Variants in MAPKBP1 observed in about 807,000 individuals in gnomAD.
MAPKBP1 encodes the protein mitogen-activated protein kinase binding protein 1.
MAPKBP1 carries 71 observed loss-of-function variants against 170.5 expected under a neutral mutation model. The observed-to-expected ratio is 0.42, with a 90% CI of 0.34 to 0.51. The LOEUF (loss-of-function observed/expected upper bound fraction) is 0.51. MAPKBP1 is among the 20% of genes least tolerant of loss of function. MAPKBP1 has a pLI of 0.06. For missense variants in MAPKBP1, 1,598 were observed against 1,933.0 expected, an observed-to-expected ratio of 0.83 and a Z score of 3.25; for synonymous variants, 719 against 757.9, an observed-to-expected ratio of 0.95 and a Z score of 0.84.
chr15:41,775,409 A>G lies in MAPKBP1; in HGVS notation c.114+20A>G, dbSNP rs1057228361. The G allele has an allele frequency of 7.6e-6, 12 of 1,582,618 alleles. No homozygotes were observed. The highest frequency in any genetic ancestry group is 7.8e-6 in the Non-Finnish European group (9 of 1,151,530). On this transcript the variant is annotated intron_variant, in intron 2 of 30. Transcript: ENST00000457542. The stretch of plus-strand genomic sequence containing the variant: ...TCCAAGGTGAGTCCTGTTGGGATCC[A>G]CCTCTTTCCAAACCCACCCTCTCCT...
intron 2 of MAPKBP1, among the ~76,000 whole-genome samples, chr15:41,793,370 C>T (rs2064430304): frequency 6.6e-6 from 1 of 152,106 alleles, no homozygotes; most frequent in African/African-American, 2.4e-5. Context: ...GCCTGTAGTA[C>T]CAGCTACTCG....
chr15:41,824,702 G>C, intron 30 of MAPKBP1, 133 bp downstream of exon 30: 1 of 920,062 alleles, frequency 1.1e-6, no homozygotes, highest in Non-Finnish European at 1.6e-6. Context: ...ATCTTGGGCA[G>C]CATAGGTGAG....
At chr15:41,798,876 C>A (rs1027724441) in intron 2 of MAPKBP1, among the ~76,000 whole-genome samples, 4 of 152,166 alleles carry the variant, frequency 2.6e-5, no homozygotes, top group Non-Finnish European at 5.9e-5. Flanking sequence ...CAGGGACATT[C>A]TTGAGCAGAG....
At chr15:41,784,975 G>A (rs1225833834) in intron 2 of MAPKBP1, among the ~76,000 whole-genome samples, 1 of 151,830 alleles carries the variant, frequency 6.6e-6, no homozygotes, top group African/African-American at 2.4e-5. Context: ...GGCATGACGT[G>A]GGAGAATTGC....
intron 2 of MAPKBP1, among the ~76,000 whole-genome samples, chr15:41,787,981 A>C (rs1164989672): frequency 1.3e-5 from 2 of 152,132 alleles, no homozygotes; most frequent in Admixed American, 6.5e-5. Context: ...TTCCCAAGAC[A>C]GAGTCTTGCT....
Position 41,818,874 on chromosome 15 carries a change from G to A in MAPKBP1, c.2208G>A (p.Gln736=). ...CTGAGATGACCATCAGCATGAGGCA[G>A]CGTCTGGCCGAGTTGCGCCAGCGTC... The part of the protein sequence containing the change: ...LSSEMTISMR[Q]RLAELRQRQR... Residue 736 remains glutamine, a synonymous_variant, in exon 20 of 31, where the codon CAG becomes CAA. Transcript: ENST00000457542. This position sits in a 1 kb window ranked among gnomAD's most constrained non-coding sequence, Gnocchi z 5.2. The A allele has an allele frequency of 1.2e-6, 2 of 1,614,238 alleles. No individual in the cohort carries two copies. The highest frequency in any genetic ancestry group is 1.7e-6 in the Non-Finnish European group (2 of 1,180,040).
rs74356888 is a variant in MAPKBP1 at position 41,822,210 on chromosome 15, C to T, written c.3032-15C>T. Reference sequence around the variant, plus strand: ...TGGGTGCAGTGCGATGCCTCTCTCCCCTCCCCACACCCAGACTCTGAGAGC... The same window carrying T: ...TGGGTGCAGTGCGATGCCTCTCTCCTCTCCCCACACCCAGACTCTGAGAGC... On this transcript the variant is annotated splice_polypyrimidine_tract_variant and intron_variant, in intron 25 of 30. Coordinates refer to ENST00000457542, the MANE Select transcript of MAPKBP1 (RefSeq NM_014994.3). 2,356 of 1,608,270 alleles carry T rather than the reference C, an allele frequency of 1.5e-3. 29 individuals carry two copies. In the African/African-American group the frequency reaches 0.029, roughly 20 times the overall value.
In MAPKBP1 at chr15:41,813,069, C is replaced by G. The variant is rs1198794299; in HGVS notation, c.787C>G (p.Arg263Gly). The G allele has an allele frequency of 3.7e-6, 6 of 1,610,506 alleles. 1 individual carries two copies. The highest frequency in any genetic ancestry group is 3.3e-5 in the South Asian group (3 of 90,348). Reference protein sequence around the residue: ...SSGLLCEFSDRRLLDKWVELR... With the variant: ...SSGLLCEFSDGRLLDKWVELR... ...AGGGCTGCTGTGCGAGTTCAGTGAT[C>G]GAAGGCTTTTGGACAAGTGGGTGGA... The change falls in exon 8 of 31, where the codon CGA becomes GGA. Residue 263 changes from arginine (R) to glycine (G), a missense_variant. Physicochemically the swap from Arg to Gly is moderately radical, Grantham distance 125. Transcript: ENST00000457542.
chr15:41,816,651 G>T lies in MAPKBP1; in HGVS notation c.1585+1G>T, dbSNP rs1283736418. On this transcript the variant is annotated splice_donor_variant, in intron 13 of 30. Coordinates refer to ENST00000457542, the MANE Select transcript of MAPKBP1 (RefSeq NM_014994.3). LOFTEE classifies it high-confidence loss of function. The stretch of plus-strand genomic sequence containing the variant: ...CTGGAGTATTCTAAGCCAGACACAG[G>T]TTAGGAGAATGCCCGGAATGGCACA... 1 of 1,613,336 alleles carries T rather than the reference G, an allele frequency of 6.2e-7. No individual in the cohort carries two copies. The highest frequency in any genetic ancestry group is 1.3e-5 in the African/African-American group (1 of 74,900).
intron 5 of MAPKBP1, chr15:41,811,595 T>G: frequency 1.6e-6 from 1 of 609,826 alleles, no homozygotes; most frequent in Non-Finnish European, 3.1e-6. Flanking sequence ...GGCCCCCTGC[T>G]GGGCTCAGGA....
intron 2 of MAPKBP1, among the ~76,000 whole-genome samples, chr15:41,794,716 G>A (rs1319986596): frequency 2.6e-5 from 4 of 152,180 alleles, no homozygotes; most frequent in African/African-American, 9.7e-5. Context: ...GCCAGAGACT[G>A]TTTAAAGTGC....
chr15:41,791,475 A>C (rs184313315), intron 2 of MAPKBP1, among the ~76,000 whole-genome samples: 139 of 152,230 alleles, frequency 9.1e-4, no homozygotes, highest in Middle Eastern at 3.4e-3. Context: ...GCCCTTCCTA[A>C]CAGTGCCACT....
At chr15:41,820,643 C>T (rs1266531305) in intron 22 of MAPKBP1, among the ~76,000 whole-genome samples, 189 bp from the exon 23 acceptor site, 2 of 152,176 alleles carry the variant, frequency 1.3e-5, no homozygotes, top group Non-Finnish European at 2.9e-5. Context: ...CTCACTTAAG[C>T]CCCCTGTGCT....
intron 3 of MAPKBP1, among the ~76,000 whole-genome samples, chr15:41,808,217 C>T (rs1411683529): frequency 3.3e-5 from 5 of 149,954 alleles, no homozygotes; most frequent in African/African-American, 1.2e-4. Context: ...CGCCATTCTC[C>T]TGCCTCAGCC....
intron 12 of MAPKBP1, chr15:41,816,234 C>T (rs2064889031): frequency 1.1e-5 from 4 of 378,042 alleles, no homozygotes; most frequent in Non-Finnish European, 1.9e-5. Flanking sequence ...TAACTAAATG[C>T]AATTTGGATT....
Position 41,818,947 on chromosome 15 carries a change from G to C in MAPKBP1, c.2281G>C (p.Gly761Arg), listed in dbSNP as rs1341066379. 2 of 1,614,102 alleles carry C rather than the reference G, an allele frequency of 1.2e-6. No homozygotes were observed. The highest frequency in any genetic ancestry group is 2.2e-5 in the South Asian group (2 of 91,086). The change falls in exon 20 of 31, where the codon GGA becomes CGA. Residue 761 changes from glycine to arginine, a missense_variant. Gly to Arg is a moderately radical substitution (Grantham distance 125). Coordinates refer to ENST00000457542, the MANE Select transcript of MAPKBP1 (RefSeq NM_014994.3). The surrounding 1 kb of genome is among the most constrained non-coding windows in gnomAD (Gnocchi z 5.2). Reference protein sequence around the residue: ...QGPSSPQRASGPNRHQAPSML... With the variant: ...QGPSSPQRASRPNRHQAPSML... ...ACCATCCTCTCCCCAAAGGGCTTCT[G>C]GACCCAACCGGTGAGAACAGAATGT...
chr15:41,802,954 G>A (rs180862635), intron 3 of MAPKBP1, among the ~76,000 whole-genome samples: 9 of 152,200 alleles, frequency 5.9e-5, no homozygotes, highest in South Asian at 2.1e-4. Context: ...ATAATCTTAC[G>A]GGACTACTGT....
intron 2 of MAPKBP1, among the ~76,000 whole-genome samples, chr15:41,796,837 T>C (rs1038456091): frequency 6.6e-6 from 1 of 152,180 alleles, no homozygotes; most frequent in Non-Finnish European, 1.5e-5. Flanking sequence ...GTAGCAGGGT[T>C]TCCCAAACTA....
Position 41,809,277 on chromosome 15 carries a change from A to G in MAPKBP1, c.207-1606A>G, listed in dbSNP as rs181384834. ...AGTAGGAAATGGAGAAAGAAGGAGG[A>G]AAAAAAAACAGGAAGAGTTGAGGGG... On this transcript the variant is annotated intron_variant, in intron 3 of 30. Transcript: ENST00000457542. Among the ~76,000 whole-genome samples, 810 of 106,632 alleles carry G rather than the reference A, an allele frequency of 7.6e-3. 5 individuals are homozygous for G. Among genetic ancestry groups the G allele is most frequent in the Non-Finnish European group, 0.014 (655 of 46,012 alleles). The allele number at this position is 106,632 out of a possible 152,430, so 70.0% of individuals were successfully genotyped here.
Sources: allele counts gnomAD v4.1 joint callset (sites outside exome capture counted in the v4.1 genomes callset), GRCh38; gene constraint gnomAD v4.1.1; non-coding constraint Gnocchi (gnomAD v3.1); transcripts MANE v1.5; gene names NCBI Gene and HGNC (gene_info 2026-07-23, HGNC 2026-07-21).